PNPLA8: variants seen among roughly 807,000 people sequenced by gnomAD.
The protein encoded by PNPLA8 is patatin like domain 8, phospholipase A2, also known as calcium-independent phospholipase A2-gamma.
Under a neutral mutation model 76.9 loss-of-function variants are expected in PNPLA8, and 39 were observed. The observed-to-expected ratio is 0.51, with a 90% CI of 0.39 to 0.66. The LOEUF (loss-of-function observed/expected upper bound fraction) is 0.66, where lower values mean the gene tolerates loss of function less well. Among genes scored for constraint, PNPLA8 ranks in the 30% least tolerant of loss-of-function variants. The pLI is 0.00. For missense variants in PNPLA8, 887 were observed against 918.0 expected (o/e 0.97, Z 0.44); for synonymous variants, 301 against 307.9 (o/e 0.98, Z 0.24).
chr7:108,525,915 C>T, intron 1 of PNPLA8, 114 bp downstream of exon 1: 2 of 344,680 alleles, frequency 5.8e-6, no homozygotes, highest in Non-Finnish European at 8.2e-6. Context: ...CCCACCCTCT[C>T]GCTCGGGAAG....
Position 108,514,536 on chromosome 7 carries a change from C to G in PNPLA8, c.956G>C (p.Ser319Thr). The G allele has an allele frequency of 6.2e-7, 1 of 1,613,904 alleles. No individual in the cohort carries two copies. Among genetic ancestry groups the G allele is most frequent in the South Asian group, 1.1e-5 (1 of 91,084 alleles). Residue 319 changes from serine to threonine, a missense_variant, in exon 3 of 11, where the codon AGT becomes ACT. Physicochemically the swap from Ser to Thr is moderately conservative, Grantham distance 58. Transcript: ENST00000257694. ...AGGCTCTTCCTGTTCTTCTGACTGA[C>G]TCTTTGAATCATACTTTAATTTGGG... The part of the protein sequence containing the change: ...LVPKLKYDSK[S>T]QSEEQEEPAK...
At position 108,510,314 on chromosome 7, in the gene PNPLA8, A is replaced by C. The variant is rs146359177; in HGVS notation, c.1206+3830T>G. 393 of 1,589,214 alleles carry C rather than the reference A, an allele frequency of 2.5e-4. 2 individuals carry two copies. In the African/African-American group the frequency reaches 4.5e-3, roughly 18 times the overall value. Reference sequence around the variant, plus strand: ...AAAGCGAAGGAATTTCTCAGAGCTGAAGATGAAGCGCCTGAGAAAGAAGTT... The same window carrying C: ...AAAGCGAAGGAATTTCTCAGAGCTGCAGATGAAGCGCCTGAGAAAGAAGTT... On this transcript the variant is annotated intron_variant, in intron 4 of 10. Coordinates refer to ENST00000257694, the MANE Select transcript of PNPLA8 (RefSeq NM_001256007.3).
chr7:108,510,324 G>A (rs527941990), intron 4 of PNPLA8: 66 of 1,585,954 alleles, frequency 4.2e-5, no homozygotes, highest in Non-Finnish European at 5.0e-5. Flanking sequence ...AAGATGAAGC[G>A]CCTGAGAAAG....
chr7:108,490,002 T>G (rs1388192694), intron 8 of PNPLA8, among the ~76,000 whole-genome samples: 2 of 152,256 alleles, frequency 1.3e-5, no homozygotes, highest in Non-Finnish European at 2.9e-5. Context: ...ATCAATGTTT[T>G]GGTCAATGAT....
intron 5 of PNPLA8, among the ~76,000 whole-genome samples, chr7:108,502,252 G>A (rs1862004185): frequency 6.6e-6 from 1 of 151,522 alleles, no homozygotes; most frequent in Admixed American, 6.6e-5. Context: ...AGACCAACCT[G>A]GCCAATATGG....
At chr7:108,500,953 T>C (rs1411097161) in intron 5 of PNPLA8, among the ~76,000 whole-genome samples, 3 of 152,120 alleles carry the variant, frequency 2.0e-5, no homozygotes, top group Non-Finnish European at 4.4e-5. Flanking sequence ...TCCTTCCTCC[T>C]GCCTTCCACT....
chr7:108,494,068 TA>T (rs1011680960), intron 7 of PNPLA8, among the ~76,000 whole-genome samples: 6 of 151,956 alleles, frequency 3.9e-5, no homozygotes, highest in African/African-American at 9.7e-5. Context: ...AACATCTGAT[TA>T]AAAAAAAGCT....
intron 10 of PNPLA8, among the ~76,000 whole-genome samples, chr7:108,478,576 G>A (rs921150325): frequency 2.0e-5 from 3 of 152,048 alleles, no homozygotes; most frequent in African/African-American, 7.2e-5. Flanking sequence ...ATTTTCAGTA[G>A]AGATGGTGTT....
At chr7:108,490,291 T>C (rs563170297) in intron 8 of PNPLA8, among the ~76,000 whole-genome samples, 2 of 151,836 alleles carry the variant, frequency 1.3e-5, no homozygotes, top group Non-Finnish European at 2.9e-5. Context: ...CACAGGTTTA[T>C]AGCCTAGGAA....
intron 1 of PNPLA8, among the ~76,000 whole-genome samples, chr7:108,522,203 A>G (rs935788609): frequency 1.3e-5 from 2 of 151,936 alleles, no homozygotes; most frequent in African/African-American, 4.8e-5. Flanking sequence ...CTGAGGCAGA[A>G]GAATCACTTG....
intron 4 of PNPLA8, among the ~76,000 whole-genome samples, chr7:108,509,942 C>T (rs1396947710): frequency 7.0e-6 from 1 of 143,074 alleles, no homozygotes; most frequent in African/African-American, 2.6e-5. Flanking sequence ...AAACCAAACA[C>T]CGCATATTCT....
At chr7:108,514,326 A>T in intron 3 of PNPLA8, 33 bp from the exon 4 acceptor site, 5 of 1,568,424 alleles carry the variant, frequency 3.2e-6, no homozygotes, top group Non-Finnish European at 4.4e-6. Context: ...TATGATTAGA[A>T]TACAAAACTG....
chr7:108,505,539 T>G (rs34459886), intron 4 of PNPLA8, among the ~76,000 whole-genome samples: 15,016 of 149,766 alleles, frequency 0.1, 791 homozygotes, highest in Non-Finnish European at 0.11. Context: ...ATTTTTGTAT[T>G]TTTAGTAGAG....
At chr7:108,505,319 TATATATATATATATATATATATATATA>T in intron 4 of PNPLA8, among the ~76,000 whole-genome samples, 1 of 3,630 alleles carries the variant, frequency 2.8e-4, no homozygotes. Context: ...TATATATATA[TATATATATATATATATATATATATATA>T]TATATATTTT....
At chr7:108,493,566 G>C (rs1563951348) in intron 7 of PNPLA8, among the ~76,000 whole-genome samples, 1 of 117,904 alleles carries the variant, frequency 8.5e-6, no homozygotes, top group Non-Finnish European at 1.8e-5. Flanking sequence ...CCCCATGCCT[G>C]GCTTTTTTTT....
At chr7:108,515,786 T>C (rs751582200) in intron 2 of PNPLA8, among the ~76,000 whole-genome samples, 1 of 152,158 alleles carries the variant, frequency 6.6e-6, no homozygotes, top group Non-Finnish European at 1.5e-5. Context: ...AAATGAGGAA[T>C]AGAATGTTTA....
chr7:108,499,575 C>T (rs1023174843), intron 5 of PNPLA8, among the ~76,000 whole-genome samples: 1 of 152,126 alleles, frequency 6.6e-6, no homozygotes, highest in Non-Finnish European at 1.5e-5. Context: ...CTTTGTTTTG[C>T]GGGGCTGTCC....
At chr7:108,507,365 A>AAAAAAAC (rs1554686181) in intron 4 of PNPLA8, among the ~76,000 whole-genome samples, 11 of 150,062 alleles carry the variant, frequency 7.3e-5, no homozygotes, top group Non-Finnish European at 1.3e-4. Context: ...AAAAAAAAAA[A>AAAAAAAC]AGAAACAGGC....
intron 7 of PNPLA8, among the ~76,000 whole-genome samples, chr7:108,495,455 C>G (rs1255033632): frequency 1.3e-5 from 2 of 152,106 alleles, no homozygotes; most frequent in Non-Finnish European, 2.9e-5. Flanking sequence ...ACACTCACAA[C>G]TACACACATA....
Sources: allele counts gnomAD v4.1 joint callset (sites outside exome capture counted in the v4.1 genomes callset), GRCh38; gene constraint gnomAD v4.1.1; transcripts MANE v1.5; gene names NCBI Gene and HGNC (gene_info 2026-07-23, HGNC 2026-07-21).